SAMD8: variants seen among roughly 807,000 people sequenced by gnomAD.
SAMD8 encodes sphingomyelin synthase-related protein 1.
A neutral mutation model predicts 42.0 loss-of-function variants in SAMD8; 20 were observed. That is an observed-to-expected ratio of 0.48 (90% CI 0.34 to 0.69). The LOEUF (loss-of-function observed/expected upper bound fraction) is 0.69. SAMD8 is among the 30% of genes least tolerant of loss of function. The pLI, the probability that SAMD8 is intolerant of heterozygous loss-of-function variation, is 0.01. For missense variants in SAMD8, 328 were observed against 511.6 expected, an observed-to-expected ratio of 0.64 and a Z score of 3.46; for synonymous variants, 162 against 173.0, an observed-to-expected ratio of 0.94 and a Z score of 0.50.
At chr10:75,171,007 C>T (rs1036204229) in intron 4 of SAMD8, among the ~76,000 whole-genome samples, 3 of 151,512 alleles carry the variant, frequency 2.0e-5, no homozygotes, top group African/African-American at 4.8e-5. Flanking sequence ...GTGATCCACC[C>T]GCCTTGGCCT....
intron 1 of SAMD8, among the ~76,000 whole-genome samples, chr10:75,118,382 C>A (rs910184226): frequency 2.0e-5 from 3 of 152,228 alleles, no homozygotes; most frequent in Non-Finnish European, 4.4e-5. Context: ...CAGTGGCTTG[C>A]GCCTGTAATC....
At chr10:75,108,141 T>C (rs7912300), upstream of SAMD8, 491,892 of 1,612,982 alleles carry the variant, frequency 0.3, 81,414 homozygotes, top group East Asian at 0.62. Flanking sequence ...GTAGAGGCCC[T>C]TGTGGGCGGC....
chr10:75,112,645 T>G (rs1848800115), intron 1 of SAMD8, among the ~76,000 whole-genome samples: 1 of 152,204 alleles, frequency 6.6e-6, no homozygotes, highest in Admixed American at 6.5e-5. Context: ...TTTTTTTCAT[T>G]GTAATTTTTT....
intron 1 of SAMD8, among the ~76,000 whole-genome samples, chr10:75,141,211 A>C (rs146191904): frequency 2.3e-3 from 357 of 152,142 alleles, no homozygotes; most frequent in African/African-American, 8.1e-3. Context: ...AAGTGTGCCA[A>C]GTGTGGTGCG....
At chr10:75,106,800 G>A (rs537263566), upstream of SAMD8, among the ~76,000 whole-genome samples, 49 of 152,346 alleles carry the variant, frequency 3.2e-4, no homozygotes, top group African/African-American at 1.1e-3. Flanking sequence ...GTGAATGAAT[G>A]GATAAATAGC....
intron 1 of SAMD8, among the ~76,000 whole-genome samples, chr10:75,120,056 A>C (rs1443497949): frequency 6.6e-6 from 1 of 152,140 alleles, no homozygotes; most frequent in African/African-American, 2.4e-5. Flanking sequence ...CGACAGAGTG[A>C]GACACTGTCT....
At chr10:75,102,177 G>C (rs1848205421) in intron 1 of SAMD8, among the ~76,000 whole-genome samples, 1 of 152,246 alleles carries the variant, frequency 6.6e-6, no homozygotes, top group Non-Finnish European at 1.5e-5. Context: ...GTACATGTAT[G>C]TTGATAGTGG....
chr10:75,150,452 T>G (rs1840261127), intron 1 of SAMD8, 62 bp from the exon 2 acceptor site: 9 of 1,528,698 alleles, frequency 5.9e-6, no homozygotes, highest in Non-Finnish European at 7.9e-6. Context: ...TGTGTTTGTC[T>G]TTGAAGAAAT....
intron 4 of SAMD8, among the ~76,000 whole-genome samples, chr10:75,171,008 G>A (rs573653586): frequency 6.6e-6 from 1 of 151,400 alleles, no homozygotes. Flanking sequence ...TGATCCACCC[G>A]CCTTGGCCTC....
chr10:75,121,967 C>T (rs1849015105), intron 1 of SAMD8, among the ~76,000 whole-genome samples: 1 of 152,228 alleles, frequency 6.6e-6, no homozygotes, highest in Non-Finnish European at 1.5e-5. Flanking sequence ...GCTGGGATTA[C>T]AGGAGTAAGC....
intron 1 of SAMD8, among the ~76,000 whole-genome samples, chr10:75,146,672 T>C (rs1195375937): frequency 6.6e-6 from 1 of 152,182 alleles, no homozygotes; most frequent in East Asian, 1.9e-4. Context: ...TAAATCTTGG[T>C]CAGAAGCACA....
chr10:75,114,590 A>G (rs1467480313), intron 1 of SAMD8, among the ~76,000 whole-genome samples: 2 of 152,226 alleles, frequency 1.3e-5, no homozygotes, highest in East Asian at 3.8e-4. Flanking sequence ...TGAAATTTGA[A>G]CACTTTTTTT....
In SAMD8 at chr10:75,141,820, C is replaced by T. The variant is rs555714169; in HGVS notation, c.-15-8694C>T. 1.1e-4 allele frequency among the ~76,000 whole-genome samples: 17 copies of T among 152,008 alleles called. No individual in the cohort carries two copies. In the East Asian group the frequency reaches 2.7e-3, roughly 24 times the overall value. ...CCTCCCAAAGTGCTGGGATTACAGG[C>T]GTGAGCCACCACGCCTGGCCTGCCT... On this transcript the variant is annotated intron_variant, in intron 1 of 5. Coordinates refer to ENST00000542569, the MANE Select transcript of SAMD8 (RefSeq NM_001174156.2).
chr10:75,154,609 A>T (rs1840368636), intron 2 of SAMD8, among the ~76,000 whole-genome samples: 1 of 152,198 alleles, frequency 6.6e-6, no homozygotes. Context: ...GAAAGTACTG[A>T]GGACAAGAGT....
At chr10:75,159,662 C>G (rs1840511009) in intron 2 of SAMD8, among the ~76,000 whole-genome samples, 1 of 152,194 alleles carries the variant, frequency 6.6e-6, no homozygotes, top group Non-Finnish European at 1.5e-5. Context: ...TGTTCTTAAC[C>G]AGTGACTCAT....
At chr10:75,108,166 T>C, upstream of SAMD8, 1 of 1,612,124 alleles carries the variant, frequency 6.2e-7, no homozygotes, top group Non-Finnish European at 8.5e-7. Context: ...AGCACGTGGG[T>C]GATGCCCAGC....
At chr10:75,146,173 T>C (rs552321678) in intron 1 of SAMD8, among the ~76,000 whole-genome samples, 1 of 152,144 alleles carries the variant, frequency 6.6e-6, no homozygotes, top group East Asian at 1.9e-4. Flanking sequence ...CCTGTGCCTC[T>C]TGTGGCTGGG....
Position 75,177,959 on chromosome 10 carries a change from C to G in SAMD8, c.*1267C>G, listed in dbSNP as rs183380620. 3 of 152,154 alleles carry G rather than the reference C, an allele frequency of 2.0e-5. No individual in the cohort carries two copies. Among genetic ancestry groups the G allele is most frequent in the Non-Finnish European group, 2.9e-5 (2 of 68,010 alleles). 9.4% of individuals were successfully genotyped at this position (152,154 alleles called of 1,614,324 possible). A position where few individuals can be genotyped will look rare whatever the true frequency, so the allele number is the denominator to read the frequency against. On this transcript the variant is annotated 3_prime_UTR_variant, in exon 6 of 6. Coordinates refer to ENST00000542569, the MANE Select transcript of SAMD8 (RefSeq NM_001174156.2). ...GGTTATGGAATTGGAATTTAAACTCCCAACTAATGAGCTTAAGCTGCTTGG... is the reference window on the plus strand; with the variant it reads ...GGTTATGGAATTGGAATTTAAACTCGCAACTAATGAGCTTAAGCTGCTTGG...
chr10:75,167,216 A>G (rs1378042050), intron 3 of SAMD8, among the ~76,000 whole-genome samples: 1 of 152,184 alleles, frequency 6.6e-6, no homozygotes, highest in African/African-American at 2.4e-5. Context: ...AGAAGTTAGA[A>G]TGAGTATTCG....
Sources: allele counts gnomAD v4.1 joint callset (sites outside exome capture counted in the v4.1 genomes callset), GRCh38; gene constraint gnomAD v4.1.1; transcripts MANE v1.5; gene names NCBI Gene and HGNC (gene_info 2026-07-23, HGNC 2026-07-21).